Variants in SLC9C1 observed in about 807,000 individuals in gnomAD.
The protein encoded by SLC9C1 is solute carrier family 9 member C1.
A neutral mutation model predicts 140.9 loss-of-function variants in SLC9C1; 97 were observed. The ratio of observed to expected loss-of-function variants is 0.69; its 90% CI spans 0.58 to 0.82. The LOEUF (loss-of-function observed/expected upper bound fraction) is 0.82. Ranked by LOEUF, SLC9C1 falls within the 40% of genes least tolerant of loss-of-function variation. The pLI is 0.00. For missense variants in SLC9C1, 1,340 were observed against 1,389.3 expected (o/e 0.96, Z 0.56); for synonymous variants, 440 against 442.6 (o/e 0.99, Z 0.07).
intron 23 of SLC9C1, among the ~76,000 whole-genome samples, chr3:112,174,925 C>T (rs2077308643): frequency 6.6e-6 from 1 of 152,060 alleles, no homozygotes; most frequent in African/African-American, 2.4e-5. Flanking sequence ...ACAGTCTGGC[C>T]ACTTTTCTGT....
intron 23 of SLC9C1, among the ~76,000 whole-genome samples, chr3:112,175,799 T>C (rs574338334): frequency 2.6e-5 from 4 of 152,282 alleles, no homozygotes; most frequent in Admixed American, 1.3e-4. Flanking sequence ...GCTGGAGCCC[T>C]AAGGCAACAG....
chr3:112,265,841 GA>G (rs2079903085), intron 8 of SLC9C1, among the ~76,000 whole-genome samples: 1 of 151,908 alleles, frequency 6.6e-6, no homozygotes, highest in African/African-American at 2.4e-5. Context: ...CTCATCTTTA[GA>G]TTTTTTTTGC....
intron 16 of SLC9C1, among the ~76,000 whole-genome samples, chr3:112,205,209 G>C (rs992204368): frequency 6.6e-6 from 1 of 151,900 alleles, no homozygotes; most frequent in Non-Finnish European, 1.5e-5. Context: ...CAAAGTCTCA[G>C]GATACAAAAT....
intron 20 of SLC9C1, among the ~76,000 whole-genome samples, chr3:112,189,737 G>A (rs13071181): frequency 1.3e-5 from 2 of 152,048 alleles, no homozygotes; most frequent in African/African-American, 4.8e-5. Context: ...GTTCCATATG[G>A]ACTTTAAAGT....
intron 13 of SLC9C1, among the ~76,000 whole-genome samples, chr3:112,229,745 A>G (rs1454190578): frequency 2.0e-5 from 3 of 152,066 alleles, no homozygotes; most frequent in African/African-American, 4.8e-5. Context: ...TATTACAAAA[A>G]TTGGTGAGCA....
At chr3:112,215,622 G>A (rs4682368) in intron 15 of SLC9C1, among the ~76,000 whole-genome samples, 114,639 of 151,846 alleles carry the variant, frequency 0.75, 43,685 homozygotes, top group East Asian at 0.99. Context: ...CAAAGAGAAT[G>A]AAATACCTAG....
chr3:112,270,358 C>T (rs1485455943), intron 6 of SLC9C1, among the ~76,000 whole-genome samples: 1 of 152,172 alleles, frequency 6.6e-6, no homozygotes, highest in Non-Finnish European at 1.5e-5. Flanking sequence ...ACATTCCCAC[C>T]AACAGTGTAC....
At chr3:112,293,480 T>C (rs1235340289) in intron 1 of SLC9C1, among the ~76,000 whole-genome samples, 1 of 152,158 alleles carries the variant, frequency 6.6e-6, no homozygotes, top group African/African-American at 2.4e-5. Context: ...TTCCTTCAGA[T>C]TGGAACGTTT....
rs372186324 is a variant in SLC9C1, at chr3:112,200,365, A to T, written c.2374+346T>A. Among the ~76,000 whole-genome samples the T allele has an allele frequency of 3.3e-5, 5 of 152,188 alleles. No individual in the cohort carries two copies. In the South Asian group the frequency reaches 1.0e-3, roughly 32 times the overall value. ...CTGTGGCAAGTAGAGGAAAAACGTA[A>T]CTTCTTTTCTTGTGTCACTCAGGAA... is the stretch of plus-strand genomic sequence containing the variant. On this transcript the variant is annotated intron_variant, in intron 19 of 28. Transcript: ENST00000305815.
In SLC9C1 at chr3:112,202,307, G is replaced by A. The variant is rs746373888; in HGVS notation, c.2265C>T (p.Gly755=). ...CAATTATGGTCATTATGTCTGCTTCGCCTTGGACATAGCCTTTTAGTATTC... is the reference window on the plus strand; with the variant it reads ...CAATTATGGTCATTATGTCTGCTTCACCTTGGACATAGCCTTTTAGTATTC... The part of the protein sequence containing the change: ...WYGILKGYVQ[G]EADIMTIIDQ... The change falls in exon 18 of 29, where the codon GGC becomes GGT. Residue 755 remains glycine, a synonymous_variant. Coordinates refer to ENST00000305815, the MANE Select transcript of SLC9C1 (RefSeq NM_183061.3). 8.7e-6 allele frequency: 14 copies of A among 1,611,058 alleles called. No individual in the cohort carries two copies. Among genetic ancestry groups the A allele is most frequent in the South Asian group, 2.2e-5 (2 of 90,184 alleles).
In SLC9C1 at chr3:112,279,768, A is replaced by G. The variant is rs2080310128; in HGVS notation, c.190-911T>C. 2.0e-5 allele frequency among the ~76,000 whole-genome samples: 3 copies of G among 152,276 alleles called. No individual in the cohort carries two copies. The South Asian group carries it at 6.2e-4, about 32-fold the overall frequency. ...TGGCCTTCTTTGCTTCTTTGGGATT[A>G]TGGTTCAGGAAACAGGCACAAGAAA... is the stretch of plus-strand genomic sequence containing the variant. On this transcript the variant is annotated intron_variant, in intron 3 of 28. Coordinates refer to ENST00000305815, the MANE Select transcript of SLC9C1 (RefSeq NM_183061.3).
chr3:112,161,695 C>T (rs1283488695), intron 26 of SLC9C1, among the ~76,000 whole-genome samples: 1 of 152,074 alleles, frequency 6.6e-6, no homozygotes, highest in East Asian at 1.9e-4. Context: ...AGTTTGAAGT[C>T]AGGTAGCGTG....
chr3:112,220,546 G>A (rs1428040728), intron 14 of SLC9C1, among the ~76,000 whole-genome samples: 3 of 152,228 alleles, frequency 2.0e-5, no homozygotes, highest in Non-Finnish European at 4.4e-5. Context: ...CACTGTTGCA[G>A]TTGCACTGCA....
intron 16 of SLC9C1, 30 bp from the exon 17 acceptor site, chr3:112,204,433 A>T (rs1289784549): frequency 1.3e-6 from 2 of 1,533,868 alleles, no homozygotes; most frequent in Non-Finnish European, 1.7e-6. Flanking sequence ...TTACATTATC[A>T]TGTTTGTTTC....
intron 15 of SLC9C1, among the ~76,000 whole-genome samples, chr3:112,214,751 T>C (rs968784897): frequency 1.2e-4 from 18 of 152,176 alleles, no homozygotes; most frequent in African/African-American, 3.6e-4. Context: ...CAGGACCAGA[T>C]GGATTCACAG....
At chr3:112,175,506 T>C (rs1346226289) in intron 23 of SLC9C1, among the ~76,000 whole-genome samples, 1 of 152,184 alleles carries the variant, frequency 6.6e-6, no homozygotes, top group Non-Finnish European at 1.5e-5. Context: ...CACTCCAGCC[T>C]TCAGTTGCCT....
chr3:112,184,847 G>A (rs1026145790), intron 20 of SLC9C1, among the ~76,000 whole-genome samples: 4 of 152,100 alleles, frequency 2.6e-5, no homozygotes, highest in African/African-American at 9.7e-5. Context: ...TAGTGACTGG[G>A]TCCCTAAAGA....
At chr3:112,203,055 A>G (rs779076878) in intron 17 of SLC9C1, among the ~76,000 whole-genome samples, 1 of 152,046 alleles carries the variant, frequency 6.6e-6, no homozygotes, top group Non-Finnish European at 1.5e-5. Context: ...GTATCACCTA[A>G]TAAATGAAGT....
intron 25 of SLC9C1, among the ~76,000 whole-genome samples, chr3:112,168,513 C>T (rs2077183662): frequency 6.6e-6 from 1 of 152,178 alleles, no homozygotes; most frequent in Non-Finnish European, 1.5e-5. Flanking sequence ...CTGGCAGAAC[C>T]TTTCTAGAGC....
Sources: gnomAD v4.1 joint callset for allele counts (sites outside exome capture counted in the v4.1 genomes callset) on GRCh38, gnomAD v4.1.1 for gene constraint, MANE v1.5 for transcripts, NCBI Gene and HGNC (gene_info 2026-07-23, HGNC 2026-07-21) for gene names.